Variants in GCFC2 observed in about 807,000 individuals in gnomAD.
The protein encoded by GCFC2 is intron Large complex component GCFC2.
A neutral mutation model predicts 99.4 loss-of-function variants in GCFC2; 102 were observed. The ratio of observed to expected loss-of-function variants is 1.03; its 90% CI spans 0.87 to 1.21. The LOEUF (loss-of-function observed/expected upper bound fraction) is 1.21, where lower values mean the gene tolerates loss of function less well. Among genes scored for constraint, GCFC2 ranks in the 50% most tolerant of loss-of-function variants. GCFC2 has a pLI of 0.00. For synonymous variants in GCFC2, 338 were observed against 316.8 expected (o/e 1.07, Z -0.71); for missense variants, 973 against 920.9 (o/e 1.06, Z -0.73).
intron 12 of GCFC2, among the ~76,000 whole-genome samples, chr2:75,675,793 A>AT (rs1161013002): frequency 6.6e-6 from 1 of 151,888 alleles, no homozygotes; most frequent in Non-Finnish European, 1.5e-5. Flanking sequence ...ATAAATTCAC[A>AT]TATTTTAAAA....
intron 11 of GCFC2, among the ~76,000 whole-genome samples, chr2:75,687,060 G>A (rs1239273934): frequency 6.6e-6 from 1 of 151,962 alleles, no homozygotes; most frequent in African/African-American, 2.4e-5. Context: ...TCAGCCTCCT[G>A]AGTAGCTGGG....
intron 2 of GCFC2, among the ~76,000 whole-genome samples, chr2:75,704,341 A>G (rs1680739111): frequency 1.3e-5 from 2 of 152,194 alleles, no homozygotes; most frequent in African/African-American, 4.8e-5. Flanking sequence ...CTCTTCTTCC[A>G]CATGCCAGCC....
rs766650527 is a variant in GCFC2, at chr2:75,666,001, GATGTCC to G, written c.2150_2155del (p.Arg717_Ser719delinsThr). 3 of 1,602,860 alleles carry G rather than the reference GATGTCC, an allele frequency of 1.9e-6. No homozygotes were observed. The East Asian group carries it at 6.7e-5, about 36-fold the overall frequency. ...AATGAAGTTTTCTAGCTGTGGAATA[GATGTCC>G]TCATGGCAGAATTTTCAAACCATTT... On this transcript the variant is annotated inframe_deletion, in exon 16 of 17. Coordinates refer to ENST00000321027, the MANE Select transcript of GCFC2 (RefSeq NM_003203.5).
chr2:75,680,333 T>C lies in GCFC2; in HGVS notation c.1691-19A>G. The C allele has an allele frequency of 6.3e-7, 1 of 1,597,512 alleles. No homozygotes were observed. The highest frequency in any genetic ancestry group is 1.1e-5 in the South Asian group (1 of 88,842). ...ACAAAGTCTGAAACAAATATTTCAG[T>C]GGTACACAATGTATTTACTAGATTG... is the stretch of plus-strand genomic sequence containing the variant. On this transcript the variant is annotated intron_variant, in intron 11 of 16. Transcript: ENST00000321027.
At chr2:75,706,040 T>C (rs914109563) in intron 2 of GCFC2, among the ~76,000 whole-genome samples, 1 of 152,234 alleles carries the variant, frequency 6.6e-6, no homozygotes, top group African/African-American at 2.4e-5. Flanking sequence ...ATTCATGTCA[T>C]CTGTATAAAA....
At chr2:75,692,950 C>T (rs1489736665) in intron 6 of GCFC2, among the ~76,000 whole-genome samples, 1 of 152,108 alleles carries the variant, frequency 6.6e-6, no homozygotes, top group Non-Finnish European at 1.5e-5. Flanking sequence ...TCCATTGATA[C>T]TCCACAGCTG....
chr2:75,692,522 C>G (rs75482166), intron 6 of GCFC2, among the ~76,000 whole-genome samples: 1,602 of 152,146 alleles, frequency 0.011, 19 homozygotes, highest in African/African-American at 0.031. Context: ...TGGCACCTGC[C>G]TTCAATCCCA....
intron 1 of GCFC2, among the ~76,000 whole-genome samples, chr2:75,708,812 A>C (rs1169378215): frequency 2.0e-5 from 3 of 152,076 alleles, no homozygotes; most frequent in African/African-American, 4.8e-5. Flanking sequence ...CCCGGCCCGC[A>C]ACTAACTTTT....
chr2:75,699,439 T>C (rs2298948), intron 4 of GCFC2, among the ~76,000 whole-genome samples: 37,514 of 152,120 alleles, frequency 0.25, 5,268 homozygotes, highest in East Asian at 0.41. Context: ...TACACTATGA[T>C]TGCAATTCTT....
chr2:75,675,486 T>A (rs1679292167), intron 12 of GCFC2, among the ~76,000 whole-genome samples: 1 of 152,134 alleles, frequency 6.6e-6, no homozygotes, highest in Admixed American at 6.5e-5. Flanking sequence ...CTCATGCCTG[T>A]AATCCTAGCA....
At position 75,696,240 on chromosome 2, in the gene GCFC2, G is replaced by T. The variant is rs1160921909; in HGVS notation, c.793C>A (p.Pro265Thr). ...TTCTTTATAATTTCTAAATTTACTG[G>T]CGGAAATGAAATGGAAGTATCAAAT... ...KKFDTSISFP[P>T]VNLEIIKKQL... The change falls in exon 5 of 17, where the codon CCA (proline) becomes ACA (threonine). Residue 265 changes from proline to threonine, a missense_variant. Physicochemically the swap from Pro to Thr is conservative, Grantham distance 38 (BLOSUM62 -1). Coordinates refer to ENST00000321027, the MANE Select transcript of GCFC2 (RefSeq NM_003203.5). The T allele has an allele frequency of 1.1e-5, 16 of 1,479,912 alleles. No homozygotes were observed. Among genetic ancestry groups the T allele is most frequent in the African/African-American group, 7.0e-5 (5 of 71,628 alleles). 91.7% of individuals were successfully genotyped at this position (1,479,912 alleles called of 1,614,324 possible). A position where few individuals can be genotyped will look rare whatever the true frequency, so the allele number is the denominator to read the frequency against.
chr2:75,667,705 CGT>C (rs1678907654), intron 15 of GCFC2, among the ~76,000 whole-genome samples: 1 of 152,118 alleles, frequency 6.6e-6, no homozygotes, highest in Non-Finnish European at 1.5e-5. Context: ...GTAGCTTTTG[CGT>C]TAATGATCCC....
intron 12 of GCFC2, 110 bp downstream of exon 12, chr2:75,680,083 C>A (rs1266861064): frequency 7.0e-6 from 5 of 713,192 alleles, no homozygotes; most frequent in Non-Finnish European, 1.1e-5. Context: ...TGTTTTCCCC[C>A]AAACAGTTTT....
intron 11 of GCFC2, among the ~76,000 whole-genome samples, chr2:75,683,771 C>CAAA (rs749580096): frequency 3.8e-4 from 23 of 60,404 alleles, no homozygotes; most frequent in African/African-American, 5.8e-4. Flanking sequence ...AAATGGAAAG[C>CAAA]AAAAAAAAAA....
At chr2:75,687,717 T>G (rs1679881095) in intron 11 of GCFC2, 110 bp downstream of exon 11, 1 of 861,490 alleles carries the variant, frequency 1.2e-6, no homozygotes, top group Non-Finnish European at 1.9e-6. Context: ...ATATAACATT[T>G]CCTTGAGATT....
At chr2:75,705,860 G>C (rs1393815587) in intron 2 of GCFC2, among the ~76,000 whole-genome samples, 4 of 152,048 alleles carry the variant, frequency 2.6e-5, no homozygotes, top group Non-Finnish European at 5.9e-5. Flanking sequence ...CGGGCCATAG[G>C]GTCTTTGTGG....
At chr2:75,711,536 T>C (rs1681183728), upstream of GCFC2, among the ~76,000 whole-genome samples, 1 of 152,246 alleles carries the variant, frequency 6.6e-6, no homozygotes. Flanking sequence ...ATCTGTATGG[T>C]AGAAATACTA....
intron 2 of GCFC2, among the ~76,000 whole-genome samples, chr2:75,705,736 T>C (rs917624517): frequency 5.3e-5 from 8 of 152,180 alleles, no homozygotes. Flanking sequence ...AGCTATGTAT[T>C]TTACTTTATT....
chr2:75,665,038 T>C (rs1343875639), intron 16 of GCFC2, among the ~76,000 whole-genome samples: 1 of 152,214 alleles, frequency 6.6e-6, no homozygotes, highest in Non-Finnish European at 1.5e-5. Context: ...ATAGTAAGTC[T>C]ATCAGAAATT....
Sources: gnomAD v4.1 joint callset for allele counts (sites outside exome capture counted in the v4.1 genomes callset) on GRCh38, gnomAD v4.1.1 for gene constraint, MANE v1.5 for transcripts, NCBI Gene and HGNC (gene_info 2026-07-23, HGNC 2026-07-21) for gene names.